THBS3: variants seen among roughly 807,000 people sequenced by gnomAD.
THBS3 encodes the protein thrombospondin-3.
THBS3 carries 78 observed loss-of-function variants against 118.3 expected under a neutral mutation model. The observed-to-expected ratio is 0.66, with a 90% CI of 0.55 to 0.80. The LOEUF is 0.80. Ranked by LOEUF, THBS3 falls within the 30% of genes least tolerant of loss-of-function variation. THBS3 has a pLI of 0.00. For missense variants in THBS3, 1,057 were observed against 1,247.4 expected (o/e 0.85, Z 2.30); for synonymous variants, 427 against 475.3 (o/e 0.90, Z 1.32).
intron 2 of THBS3, chr1:155,205,584 C>T: frequency 2.2e-6 from 1 of 447,852 alleles, no homozygotes; most frequent in Non-Finnish European, 4.0e-6. Flanking sequence ...TCGAGAACAG[C>T]CTGGTCAACA....
chr1:155,203,154 A>C lies in THBS3; in HGVS notation c.757-17T>G, dbSNP rs549639977. 4.2e-5 allele frequency: 67 copies of C among 1,614,184 alleles called. 1 individual carries two copies. The South Asian group carries it at 7.0e-4, about 17-fold the overall frequency. On this transcript the variant is annotated splice_polypyrimidine_tract_variant and intron_variant, in intron 6 of 22. Transcript: ENST00000368378. ...TTCCTTCACCTGGAGAAGGATGGGG[A>C]GGAGTCAGCACTTGACATCTGCCAC...
chr1:155,202,690 T>G lies in THBS3; in HGVS notation c.957+122A>C. 3 of 1,403,800 alleles carry G rather than the reference T, an allele frequency of 2.1e-6. No homozygotes were observed. Among genetic ancestry groups the G allele is most frequent in the Non-Finnish European group, 2.9e-6 (3 of 1,039,056 alleles). The allele number at this position is 1,403,800 out of a possible 1,614,324, so 87.0% of individuals were successfully genotyped here. A position where few individuals can be genotyped will look rare whatever the true frequency, so the allele number is the denominator to read the frequency against. ...TCTCCCATCTTGCATTTCTCTTGCC[T>G]CTGACCTCTCCTAAACTCCAGATTC... On this transcript the variant is annotated intron_variant, in intron 8 of 22. Coordinates refer to ENST00000368378, the MANE Select transcript of THBS3 (RefSeq NM_007112.5). This position sits in a 1 kb window ranked among gnomAD's most constrained non-coding sequence, Gnocchi z 5.5.
At position 155,200,003 on chromosome 1, in the gene THBS3, G is replaced by T. The variant is rs550271594; in HGVS notation, c.1819C>A (p.Pro607Thr). The T allele has an allele frequency of 1.9e-6, 3 of 1,599,776 alleles. No homozygotes were observed. Among genetic ancestry groups the T allele is most frequent in the Non-Finnish European group, 2.6e-6 (3 of 1,172,154 alleles). The change falls in exon 15 of 23, where the codon CCT (proline) becomes ACT (threonine). Residue 607 changes from proline (P) to threonine (T), a missense_variant. Physicochemically the swap from Pro to Thr is conservative, Grantham distance 38. Coordinates refer to ENST00000368378, the MANE Select transcript of THBS3 (RefSeq NM_007112.5). ...TTACCATCTCCCTGTACCTGGGTAG[G>T]ATTGCTCATTTCAGGGCAGCTGTCG... The part of the protein sequence containing the change: ...ACDSCPEMSN[P>T]TQTDADSDLV...
chr1:155,205,259 G>A lies in THBS3; in HGVS notation c.344C>T (p.Ala115Val), dbSNP rs752689036. The change falls in exon 3 of 23, where the codon GCG (alanine) becomes GTG (valine). Residue 115 changes from alanine to valine, a missense_variant. Ala to Val is a moderately conservative substitution (Grantham distance 64). Around this residue, in one of 3 missense-constraint regions of THBS3, gnomAD observed 206 missense variants for 205.7 expected, o/e 1.00. Transcript: ENST00000368378. ...GKVHAVNLQQ[A>V]GLADGRTHTV... ...GTGTGTGCGCCCATCAGCCAGGCCCGCTTGCTGTAGGTTCACGGCGTGGAC... is the reference window on the plus strand; with the variant it reads ...GTGTGTGCGCCCATCAGCCAGGCCCACTTGCTGTAGGTTCACGGCGTGGAC... 2.0e-5 allele frequency: 33 copies of A among 1,613,968 alleles called. No homozygotes were observed. In the East Asian group the frequency reaches 4.7e-4, roughly 23 times the overall value.
chr1:155,196,997 G>T (rs929398365), intron 21 of THBS3, 44 bp downstream of exon 21: 1 of 1,591,520 alleles, frequency 6.3e-7, no homozygotes, highest in South Asian at 1.1e-5. Context: ...AGGAAGGACA[G>T]GCCCGGCCTG....
Position 155,195,907 on chromosome 1 carries a change from AG to A in THBS3, c.2813-9del. 1 of 1,614,174 alleles carries A rather than the reference AG, an allele frequency of 6.2e-7. No homozygotes were observed. The highest frequency in any genetic ancestry group is 8.5e-7 in the Non-Finnish European group (1 of 1,180,010). On this transcript the variant is annotated splice_polypyrimidine_tract_variant and intron_variant, in intron 22 of 22. Transcript: ENST00000368378. ...AGTCCTCAGGCACTGTGTCTGAAGA[AG>A]GGGAAATAAGTAAGGTCAGAGGATG...
At chr1:155,204,236 A>C (rs1229195076) in intron 4 of THBS3, among the ~76,000 whole-genome samples, 1 of 152,188 alleles carries the variant, frequency 6.6e-6, no homozygotes, top group African/African-American at 2.4e-5. Context: ...CAGAGAGACC[A>C]GGCAGATGGG....
rs764556497 is a variant in THBS3, at chr1:155,200,436, G to A, written c.1708+15C>T. ...CACAGGTCCCCCAGCCACCCCTTCA[G>A]CCCCAGGCCTGCACCATCCCCATCC... On this transcript the variant is annotated intron_variant, in intron 14 of 22. Coordinates refer to ENST00000368378, the MANE Select transcript of THBS3 (RefSeq NM_007112.5). 1.2e-6 allele frequency: 2 copies of A among 1,611,154 alleles called. No individual in the cohort carries two copies. Among genetic ancestry groups the A allele is most frequent in the East Asian group, 4.5e-5 (2 of 44,812 alleles).
upstream of THBS3, among the ~76,000 whole-genome samples, chr1:155,208,311 T>C (rs1195449220): frequency 6.6e-6 from 1 of 152,232 alleles, no homozygotes; most frequent in South Asian, 2.1e-4. Flanking sequence ...TAGCTTGCTA[T>C]AGTGCCCAGG....
chr1:155,207,627 C>T (rs552590207), intron 1 of THBS3, among the ~76,000 whole-genome samples, 171 bp downstream of exon 1: 1 of 152,232 alleles, frequency 6.6e-6, no homozygotes, highest in African/African-American at 2.4e-5. Context: ...CCGGTGCCCA[C>T]TCCTCTCCAC....
Position 155,206,383 on chromosome 1 carries a change from CG to C in THBS3, c.102del (p.Glu35SerfsTer6), listed in dbSNP as rs1557879402. 1.2e-6 allele frequency: 2 copies of C among 1,614,074 alleles called. No individual in the cohort carries two copies. Among genetic ancestry groups the C allele is most frequent in the Non-Finnish European group, 8.5e-7 (1 of 1,180,004 alleles). On this transcript the variant is annotated frameshift_variant, in exon 2 of 23. Coordinates refer to ENST00000368378, the MANE Select transcript of THBS3 (RefSeq NM_007112.5). LOFTEE classifies it high-confidence loss of function. This position sits in a 1 kb window ranked among gnomAD's most constrained non-coding sequence, Gnocchi z 4.2. Reference sequence around the variant, plus strand: ...GCCACAGCTACCATCTGCCGAGACTCGCCCACAGTCAGCAGGTCAATTACTG... The same window carrying C: ...GCCACAGCTACCATCTGCCGAGACTCCCCACAGTCAGCAGGTCAATTACTG... ...DLQVIDLLTV[G>X]ESRQMVAVAE...
chr1:155,197,762 T>A lies in THBS3; in HGVS notation c.2303-103A>T. 1 of 1,586,250 alleles carries A rather than the reference T, an allele frequency of 6.3e-7. No individual in the cohort carries two copies. The highest frequency in any genetic ancestry group is 8.6e-7 in the Non-Finnish European group (1 of 1,157,016). On this transcript the variant is annotated intron_variant, in intron 19 of 22. Coordinates refer to ENST00000368378, the MANE Select transcript of THBS3 (RefSeq NM_007112.5). This position sits in a 1 kb window ranked among gnomAD's most constrained non-coding sequence, Gnocchi z 5.0. ...GCCTGCTATGTATGTGGCCAGCTTG[T>A]GCCACTGCCTTCTCTCTCGCCACTT...
At chr1:155,200,414 A>G in intron 14 of THBS3, 37 bp downstream of exon 14, 1 of 1,601,402 alleles carries the variant, frequency 6.2e-7, no homozygotes, top group Non-Finnish European at 8.5e-7. Flanking sequence ...AAATTCTCAC[A>G]GGTCCCCCAG....
intron 14 of THBS3, 94 bp downstream of exon 14, chr1:155,200,357 A>G (rs2147953487): frequency 2.0e-6 from 3 of 1,499,894 alleles, no homozygotes; most frequent in Non-Finnish European, 2.7e-6. Flanking sequence ...CTGCCTCCCT[A>G]TTTCACAGAG....
chr1:155,201,736 G>C (rs1415719605), intron 10 of THBS3, 167 bp from the exon 11 acceptor site: 1 of 985,952 alleles, frequency 1.0e-6, no homozygotes, highest in Non-Finnish European at 1.5e-6. Flanking sequence ...AACAGCCTCA[G>C]TTTTCAGATG....
Position 155,206,304 on chromosome 1 carries a change from G to A in THBS3, c.182C>T (p.Thr61Ile), listed in dbSNP as rs377053764. Residue 61 changes from threonine to isoleucine, a missense_variant, in exon 2 of 23, where the codon ACC becomes ATC. This residue lies in a region of THBS3 where 206 missense variants were observed against 205.7 expected (regional missense o/e 1.00). Transcript: ENST00000368378. The surrounding 1 kb of genome is among the most constrained non-coding windows in gnomAD (Gnocchi z 4.2). ...ACCCTGCTTGGGGGGCAGGCGGAAG[G>A]TGGATAAGAGGTAGATGTCCCCAGC... ...LTAGDIYLLS[T>I]FRLPPKQGGV... The A allele has an allele frequency of 2.5e-6, 4 of 1,614,070 alleles. 1 individual carries two copies. The highest frequency in any genetic ancestry group is 3.3e-5 in the Admixed American group (2 of 60,010).
chr1:155,208,713 C>CCG, upstream of THBS3: 1 of 701,944 alleles, frequency 1.4e-6, no homozygotes, highest in Non-Finnish European at 2.1e-6. Context: ...CCCAGCCCGG[C>CCG]CTCCGCTCCG....
Position 155,205,293 on chromosome 1 carries a change from C to T in THBS3, c.310G>A (p.Asp104Asn). Residue 104 changes from aspartate to asparagine, a missense_variant, in exon 3 of 23, where the codon GAT becomes AAT. Transcript: ENST00000368378. ...AGGTTCACGGCGTGGACTTTGCCAT[C>T]CTCCCGCTGGTATCGCACCAGTACT... Reference protein sequence around the residue: ...NKVLVRYQREDGKVHAVNLQQ... With the variant: ...NKVLVRYQRENGKVHAVNLQQ... 6.2e-7 allele frequency: 1 copy of T among 1,613,990 alleles called. No individual in the cohort carries two copies. Among genetic ancestry groups the T allele is most frequent in the Non-Finnish European group, 8.5e-7 (1 of 1,180,016 alleles).
intron 16 of THBS3, 137 bp downstream of exon 16, chr1:155,199,667 A>C: frequency 1.2e-6 from 1 of 820,954 alleles, no homozygotes; most frequent in Non-Finnish European, 1.9e-6. Flanking sequence ...AGGCATGAGA[A>C]TCACTTGACC....
Sources: gnomAD v4.1 joint callset for allele counts (sites outside exome capture counted in the v4.1 genomes callset) on GRCh38, gnomAD v4.1.1 for gene constraint, gnomAD v4.1.1 regional missense constraint, Gnocchi (gnomAD v3.1) non-coding constraint, MANE v1.5 for transcripts, NCBI Gene and HGNC (gene_info 2026-07-23, HGNC 2026-07-21) for gene names.